Variants in GLYATL1 observed in about 807,000 individuals in gnomAD.
GLYATL1 encodes glycine N-acyltransferase-like protein 1.
In GLYATL1, 15 loss-of-function variants were observed where a neutral mutation model predicts 20.0. That is an observed-to-expected ratio of 0.75 (90% CI 0.50 to 1.15). The LOEUF is 1.15. Ranked by LOEUF, GLYATL1 falls within the 50% of genes most tolerant of loss-of-function variation. The probability of loss-of-function intolerance (pLI) is 0.00; values close to 1 mark genes in which losing one functional copy is unlikely to be tolerated. For missense variants in GLYATL1, 380 were observed against 368.5 expected (o/e 1.03, Z -0.26); for synonymous variants, 151 against 131.5 (o/e 1.15, Z -1.01).
chr11:58,950,544 A>G (rs970149204), intron 4 of GLYATL1, among the ~76,000 whole-genome samples: 10 of 152,220 alleles, frequency 6.6e-5, no homozygotes, highest in African/African-American at 2.4e-4. Context: ...ATCTTCATAT[A>G]CATATCTTTA....
chr11:58,928,423 T>TAA (rs1377903346), intron 1 of GLYATL1: 1 of 152,180 alleles, frequency 6.6e-6, no homozygotes, highest in South Asian at 2.1e-4. Flanking sequence ...AAGCGGTCCT[T>TAA]ACACTTCCTT....
At chr11:58,916,872 G>A (rs576936641) in intron 1 of GLYATL1, 4 of 152,384 alleles carry the variant, frequency 2.6e-5, no homozygotes, top group South Asian at 4.1e-4. Context: ...AAAGGGGCTC[G>A]AGAGCACTGG....
At chr11:58,910,501 T>C (rs1239899036), downstream of GLYATL1, among the ~76,000 whole-genome samples, 1 of 152,160 alleles carries the variant, frequency 6.6e-6, no homozygotes, top group Non-Finnish European at 1.5e-5. Context: ...ACTTAAGAAA[T>C]ACATGTGGCT....
rs1857298771 is a variant in GLYATL1 at position 58,955,183 on chromosome 11, AGAAAGTTTAGGTGAGGGGATAAGAGTGGC to A, written c.322_350del (p.Glu108TyrfsTer29). ...TCTTGGCTTTCTTCCCAGGTCTTCA[AGAAAGTTTAGGTGAGGGGATAAGAGTGGC>A]TACATTTTCAAAGTCAGTGAAAGTA... On this transcript the variant is annotated frameshift_variant, in exon 6 of 7. Transcript: ENST00000532726. LOFTEE classifies it high-confidence loss of function. 2 of 1,612,398 alleles carry A rather than the reference AGAAAGTTTAGGTGAGGGGATAAGAGTGGC, an allele frequency of 1.2e-6. No homozygotes were observed. Among genetic ancestry groups the A allele is most frequent in the Non-Finnish European group, 1.7e-6 (2 of 1,179,512 alleles).
chr11:58,955,631 T>C lies in GLYATL1; in HGVS notation c.513T>C (p.Tyr171=). The change falls in exon 7 of 7, where the codon TAT becomes TAC. Residue 171 remains tyrosine, a synonymous_variant. Transcript: ENST00000532726. ...EFESETPNFK[Y]AQLDVSYSGL... is the part of the protein sequence containing the mutation. ...ACAGTGAAACTCCCAACTTTAAGTA[T>C]GCCCAGCTGGATGTCTCTTATTCTG... 1.9e-6 allele frequency: 3 copies of C among 1,613,970 alleles called. No individual in the cohort carries two copies. The South Asian group carries it at 3.3e-5, about 18-fold the overall frequency.
chr11:58,940,167 T>C (rs1176124293), intron 1 of GLYATL1, among the ~76,000 whole-genome samples: 1 of 152,236 alleles, frequency 6.6e-6, no homozygotes, highest in Non-Finnish European at 1.5e-5. Context: ...GCTTTTGTGC[T>C]GCTGCTGTTG....
At chr11:58,949,573 T>C (rs1244594174) in intron 4 of GLYATL1, among the ~76,000 whole-genome samples, 1 of 152,142 alleles carries the variant, frequency 6.6e-6, no homozygotes, top group Non-Finnish European at 1.5e-5. Context: ...AACTATAGCA[T>C]CAAGCCATAC....
At chr11:58,924,059 A>T (rs552225063), upstream of GLYATL1, among the ~76,000 whole-genome samples, 4 of 152,238 alleles carry the variant, frequency 2.6e-5, no homozygotes, top group Non-Finnish European at 5.9e-5. Flanking sequence ...TGAGACACTG[A>T]TACTCTGTTT....
At chr11:58,909,967 C>T (rs1030682480), downstream of GLYATL1, among the ~76,000 whole-genome samples, 2 of 152,108 alleles carry the variant, frequency 1.3e-5, no homozygotes, top group Non-Finnish European at 2.9e-5. Flanking sequence ...TGCATAGTGG[C>T]AAACAGAGCT....
intron 1 of GLYATL1, among the ~76,000 whole-genome samples, chr11:58,940,078 C>T (rs1236645183): frequency 1.3e-5 from 2 of 152,150 alleles, no homozygotes; most frequent in Non-Finnish European, 2.9e-5. Context: ...TCTTTTGTAA[C>T]ACTGTTTGAC....
upstream of GLYATL1, among the ~76,000 whole-genome samples, chr11:58,937,379 TC>T (rs1404180945): frequency 1.3e-5 from 2 of 152,204 alleles, no homozygotes; most frequent in Non-Finnish European, 2.9e-5. Context: ...CCCAGTGTCC[TC>T]CTGTCATCTC....
intron 1 of GLYATL1, chr11:58,933,644 G>A (rs1196585743): frequency 6.6e-6 from 1 of 151,624 alleles, no homozygotes; most frequent in Non-Finnish European, 1.5e-5. Flanking sequence ...TTTTCCTTTG[G>A]TGGTATCATT....
chr11:58,955,206 G>C lies in GLYATL1; in HGVS notation c.344G>C (p.Arg115Thr), dbSNP rs1259027264. 6 of 1,613,962 alleles carry C rather than the reference G, an allele frequency of 3.7e-6. No individual in the cohort carries two copies. Among genetic ancestry groups the C allele is most frequent in the Non-Finnish European group, 5.1e-6 (6 of 1,179,984 alleles). Residue 115 changes from arginine (R) to threonine (T), a missense_variant, in exon 6 of 7, where the codon AGA becomes ACA. Physicochemically the swap from Arg to Thr is moderately conservative, Grantham distance 71. Coordinates refer to ENST00000532726, the MANE Select transcript of GLYATL1 (RefSeq NM_001389712.2). The part of the protein sequence containing the change: ...GLQESLGEGI[R>T]VATFSKSVKV... Reference sequence around the variant, plus strand: ...CAAGAAAGTTTAGGTGAGGGGATAAGAGTGGCTACATTTTCAAAGTCAGTG... The same window carrying C: ...CAAGAAAGTTTAGGTGAGGGGATAACAGTGGCTACATTTTCAAAGTCAGTG...
intron 2 of GLYATL1, chr11:58,946,805 C>A: frequency 1.8e-6 from 1 of 557,074 alleles, no homozygotes; most frequent in Non-Finnish European, 3.2e-6. Context: ...TTAATTCTTT[C>A]CACAAGGGAG....
chr11:58,918,466 G>A (rs1033222789), intron 1 of GLYATL1, among the ~76,000 whole-genome samples: 1 of 152,204 alleles, frequency 6.6e-6, no homozygotes, highest in Non-Finnish European at 1.5e-5. Flanking sequence ...GTATGGTATA[G>A]TAAAGTCTTA....
upstream of GLYATL1, chr11:58,934,855 A>G (rs539172528): frequency 3.9e-5 from 6 of 152,556 alleles, 1 homozygote; most frequent in African/African-American, 1.4e-4. Flanking sequence ...GGTGGGCCTG[A>G]ATCCTGGATT....
upstream of GLYATL1, among the ~76,000 whole-genome samples, chr11:58,924,427 C>A (rs1209764014): frequency 1.3e-5 from 2 of 152,142 alleles, no homozygotes; most frequent in African/African-American, 4.8e-5. Context: ...AGGTAAGAAC[C>A]AGCTGCCTTC....
intron 1 of GLYATL1, among the ~76,000 whole-genome samples, chr11:58,920,232 T>C (rs1855276005): frequency 6.6e-6 from 1 of 152,184 alleles, no homozygotes; most frequent in African/African-American, 2.4e-5. Flanking sequence ...CTGTAGAATT[T>C]CTTCCTTGTA....
At chr11:58,920,030 T>A (rs906958171) in intron 1 of GLYATL1, among the ~76,000 whole-genome samples, 8 of 152,102 alleles carry the variant, frequency 5.3e-5, no homozygotes, top group Non-Finnish European at 7.4e-5. Flanking sequence ...TAGCTTGGGG[T>A]CTCCGGGAGG....
Sources: gnomAD v4.1 joint callset for allele counts (sites outside exome capture counted in the v4.1 genomes callset) on GRCh38, gnomAD v4.1.1 for gene constraint, MANE v1.5 for transcripts, NCBI Gene and HGNC (gene_info 2026-07-23, HGNC 2026-07-21) for gene names.